The following SCAI variants were observed in gnomAD, a reference collection of about 807,000 sequenced individuals.
SCAI encodes protein SCAI.
A neutral mutation model predicts 92.2 loss-of-function variants in SCAI; 24 were observed. The ratio of observed to expected loss-of-function variants is 0.26; its 90% CI spans 0.19 to 0.37. The LOEUF (loss-of-function observed/expected upper bound fraction) is 0.37, where lower values mean the gene tolerates loss of function less well. SCAI is among the 10% of genes least tolerant of loss of function. SCAI has a pLI of 1.00. For missense variants in SCAI, 450 were observed against 736.2 expected, an observed-to-expected ratio of 0.61 and a Z score of 4.50; for synonymous variants, 261 against 258.6, an observed-to-expected ratio of 1.01 and a Z score of -0.09.
At chr9:125,046,349 G>GTA (rs1833443397) in intron 3 of SCAI, among the ~76,000 whole-genome samples, 1 of 112,480 alleles carries the variant, frequency 8.9e-6, no homozygotes, top group African/African-American at 3.4e-5. Context: ...ATATGTGTGT[G>GTA]TGTGTATATA....
intron 2 of SCAI, among the ~76,000 whole-genome samples, chr9:125,063,465 A>G (rs1310922048): frequency 6.6e-6 from 1 of 152,132 alleles, no homozygotes; most frequent in Non-Finnish European, 1.5e-5. Context: ...TTAAAACACA[A>G]TATGTCAGTA....
chr9:124,962,986 A>G (rs780638045), intron 17 of SCAI, among the ~76,000 whole-genome samples: 10 of 150,836 alleles, frequency 6.6e-5, no homozygotes, highest in Non-Finnish European at 1.3e-4. Flanking sequence ...TTTAGTAGAG[A>G]TGGGGTTTCA....
At chr9:124,957,196 GT>G in intron 17 of SCAI, among the ~76,000 whole-genome samples, 1 of 151,886 alleles carries the variant, frequency 6.6e-6, no homozygotes, top group African/African-American at 2.4e-5. Flanking sequence ...GTTTCACCAT[GT>G]TACCCAGCTG....
At chr9:125,107,761 C>T (rs1834831101) in intron 2 of SCAI, among the ~76,000 whole-genome samples, 1 of 152,188 alleles carries the variant, frequency 6.6e-6, no homozygotes, top group Admixed American at 6.5e-5. Flanking sequence ...GAGCAAGACC[C>T]CATCTCTAAA....
chr9:125,118,575 G>C (rs1222517231), intron 2 of SCAI, among the ~76,000 whole-genome samples: 1 of 152,038 alleles, frequency 6.6e-6, no homozygotes, highest in African/African-American at 2.4e-5. Flanking sequence ...CACATGTGTA[G>C]AATGTGCAGG....
intron 3 of SCAI, among the ~76,000 whole-genome samples, chr9:125,031,188 A>G (rs944274337): frequency 2.0e-5 from 3 of 152,220 alleles, no homozygotes; most frequent in Admixed American, 2.0e-4. Flanking sequence ...GGGTATGGCT[A>G]CAGGTACATG....
chr9:125,070,817 C>T (rs967005938), intron 2 of SCAI, among the ~76,000 whole-genome samples: 3 of 152,118 alleles, frequency 2.0e-5, no homozygotes, highest in Non-Finnish European at 4.4e-5. Context: ...ACACTTGAGG[C>T]CAAGAGTTCA....
rs1588107488 is a variant in SCAI, at chr9:124,944,122, C to T, written c.*8685G>A. 1 of 151,894 alleles carries T rather than the reference C, an allele frequency of 6.6e-6. No homozygotes were observed. Among genetic ancestry groups the T allele is most frequent in the Admixed American group, 6.6e-5 (1 of 15,252 alleles). The allele number at this position is 151,894 out of a possible 1,614,324, so 9.4% of individuals were successfully genotyped here. ...AACAGCAAGGTTTATTAAAAATAAG[C>T]AAAAAAGTTGGAGAACTAGCCATAT... is the stretch of plus-strand genomic sequence containing the variant. On this transcript the variant is annotated 3_prime_UTR_variant, in exon 18 of 18. Transcript: ENST00000336505.
rs566479435 is a variant in SCAI at position 125,107,252 on chromosome 9, T to G, written c.98+35381A>C. ...AGTGAAACCCCGTCTCTACTAGAAA[T>G]ACAAAAATTAGCCAAGGGTGGTGGT... is the stretch of plus-strand genomic sequence containing the variant. On this transcript the variant is annotated intron_variant, in intron 2 of 17. Transcript: ENST00000336505. Among the ~76,000 whole-genome samples the G allele has an allele frequency of 2.6e-5, 4 of 151,154 alleles. No individual in the cohort carries two copies. The South Asian group carries it at 6.3e-4, about 24-fold the overall frequency.
intron 5 of SCAI, among the ~76,000 whole-genome samples, chr9:125,027,442 T>C (rs1832984796): frequency 6.6e-6 from 1 of 152,224 alleles, no homozygotes; most frequent in South Asian, 2.1e-4. Flanking sequence ...GTGATTTTAG[T>C]GGTGGGAATT....
chr9:125,018,664 T>C (rs996153543), intron 9 of SCAI, 135 bp downstream of exon 9: 6 of 700,996 alleles, frequency 8.6e-6, no homozygotes, highest in Admixed American at 3.1e-5. Flanking sequence ...ATTCCATATA[T>C]GCACACAGCA....
chr9:125,006,509 T>C (rs1192735703), intron 9 of SCAI, among the ~76,000 whole-genome samples: 1 of 151,408 alleles, frequency 6.6e-6, no homozygotes, highest in African/African-American at 2.5e-5. Context: ...TTCATTCATT[T>C]GAGACGGAGT....
intron 2 of SCAI, among the ~76,000 whole-genome samples, chr9:125,099,883 C>A (rs1415767663): frequency 6.6e-6 from 1 of 152,216 alleles, no homozygotes; most frequent in Non-Finnish European, 1.5e-5. Context: ...CTTTTTATAG[C>A]TAAATAATAT....
intron 2 of SCAI, among the ~76,000 whole-genome samples, chr9:125,074,258 CAAA>C (rs1160696426): frequency 8.3e-5 from 7 of 84,808 alleles, no homozygotes; most frequent in Admixed American, 1.2e-4. Context: ...GACTCCATAT[CAAA>C]AAAAAAAAAA....
chr9:125,016,927 C>T (rs369956516), intron 9 of SCAI, among the ~76,000 whole-genome samples: 75 of 152,080 alleles, frequency 4.9e-4, no homozygotes, highest in Non-Finnish European at 9.4e-4. Flanking sequence ...GGGCGTCTGG[C>T]ATAGCGTAGA....
At chr9:125,100,441 A>C (rs1834654351) in intron 2 of SCAI, among the ~76,000 whole-genome samples, 1 of 152,178 alleles carries the variant, frequency 6.6e-6, no homozygotes, top group Admixed American at 6.5e-5. Context: ...GACATGCCTA[A>C]GATCACAAAG....
At chr9:125,018,445 C>T (rs1251489934) in intron 9 of SCAI, among the ~76,000 whole-genome samples, 1 of 152,048 alleles carries the variant, frequency 6.6e-6, no homozygotes, top group Non-Finnish European at 1.5e-5. Flanking sequence ...TAAAAATCCC[C>T]TATAATTTGG....
At chr9:125,030,463 T>A (rs765933920) in intron 3 of SCAI, among the ~76,000 whole-genome samples, 2 of 152,208 alleles carry the variant, frequency 1.3e-5, no homozygotes, top group Non-Finnish European at 2.9e-5. Flanking sequence ...AGACAACTTG[T>A]AGCTAACATG....
At chr9:125,070,855 G>A (rs1453236740) in intron 2 of SCAI, among the ~76,000 whole-genome samples, 1 of 152,146 alleles carries the variant, frequency 6.6e-6, no homozygotes, top group Non-Finnish European at 1.5e-5. Context: ...ATCTGATATG[G>A]TTTGGCTGTG....
Sources: gnomAD v4.1 joint callset for allele counts (sites outside exome capture counted in the v4.1 genomes callset) on GRCh38, gnomAD v4.1.1 for gene constraint, MANE v1.5 for transcripts, NCBI Gene and HGNC (gene_info 2026-07-23, HGNC 2026-07-21) for gene names.